Variants in PRPF18 observed in about 807,000 individuals in gnomAD.
PRPF18 encodes pre-mRNA processing factor 18, also known as pre-mRNA-splicing factor 18.
A neutral mutation model predicts 46.5 loss-of-function variants in PRPF18; 38 were observed. The ratio of observed to expected loss-of-function variants is 0.82; its 90% CI spans 0.63 to 1.07. The LOEUF is 1.07. PRPF18 is among the 50% of genes least tolerant of loss of function. PRPF18 has a pLI of 0.00. For missense variants in PRPF18, 263 were observed against 410.0 expected (o/e 0.64, Z 3.10); for synonymous variants, 152 against 146.7 (o/e 1.04, Z -0.26).
chr10:13,624,579 A>G (rs879063550), intron 9 of PRPF18, among the ~76,000 whole-genome samples: 1 of 152,210 alleles, frequency 6.6e-6, no homozygotes, highest in Non-Finnish European at 1.5e-5. Flanking sequence ...TTTTGGATGG[A>G]TATGTACTGC....
At chr10:13,628,310 A>C (rs2080540404) in intron 9 of PRPF18, among the ~76,000 whole-genome samples, 1 of 152,206 alleles carries the variant, frequency 6.6e-6, no homozygotes, top group Non-Finnish European at 1.5e-5. Flanking sequence ...CTGTTAGATT[A>C]TGGCTCCATT....
rs184149686 is a variant in PRPF18, at chr10:13,624,185, C to T, written c.949-6075C>T. On this transcript the variant is annotated intron_variant, in intron 9 of 9. Coordinates refer to ENST00000378572, the MANE Select transcript of PRPF18 (RefSeq NM_003675.4). Reference sequence around the variant, plus strand: ...GTAGTGACATGGTATGCCATGTTGGCCAGGCTGGTCTCGAACTCCTGACCT... The same window carrying T: ...GTAGTGACATGGTATGCCATGTTGGTCAGGCTGGTCTCGAACTCCTGACCT... Among the ~76,000 whole-genome samples the T allele has an allele frequency of 2.8e-3, 426 of 152,272 alleles. 1 individual carries two copies. The highest frequency in any genetic ancestry group is 7.1e-3 in the Admixed American group (109 of 15,298).
At chr10:13,622,012 A>AGT (rs2080427419) in intron 9 of PRPF18, among the ~76,000 whole-genome samples, 3 of 142,580 alleles carry the variant, frequency 2.1e-5, no homozygotes, top group South Asian at 4.3e-4. Context: ...TCATGACTGC[A>AGT]ATAAGTGATC....
chr10:13,587,293 C>A (rs951500699), intron 1 of PRPF18, 141 bp downstream of exon 1: 1 of 869,912 alleles, frequency 1.1e-6, no homozygotes, highest in East Asian at 2.4e-5. Flanking sequence ...CCCTGGTAGG[C>A]CCCCTTAGAT....
the PRPF18 span, chr10:13,649,441 T>A: frequency 1.3e-5 from 2 of 152,208 alleles, no homozygotes. Context: ...CGGGAGGATC[T>A]GGATGATGGG....
chr10:13,594,775 G>A (rs1007367920), intron 1 of PRPF18, among the ~76,000 whole-genome samples: 10 of 152,138 alleles, frequency 6.6e-5, no homozygotes, highest in East Asian at 1.9e-4. Context: ...TTTTATCATC[G>A]GTGGTAAATA....
At chr10:13,621,983 A>G (rs551893161) in intron 9 of PRPF18, among the ~76,000 whole-genome samples, 1 of 151,896 alleles carries the variant, frequency 6.6e-6, no homozygotes, top group South Asian at 2.1e-4. Context: ...TGTTACCAAA[A>G]CTGGTATAAC....
intron 9 of PRPF18, among the ~76,000 whole-genome samples, chr10:13,617,107 T>C (rs1263058360): frequency 1.3e-5 from 2 of 152,246 alleles, no homozygotes; most frequent in Non-Finnish European, 2.9e-5. Flanking sequence ...GTACTGTTTT[T>C]GGGCTAAACT....
At chr10:13,651,746 T>C in the PRPF18 span, 1 of 622,160 alleles carries the variant, frequency 1.6e-6, no homozygotes, top group Non-Finnish European at 2.9e-6. Context: ...GTAAGAACCT[T>C]CAGCTAAAAA....
chr10:13,618,524 G>A (rs116980103), intron 9 of PRPF18, among the ~76,000 whole-genome samples: 40 of 149,280 alleles, frequency 2.7e-4, no homozygotes, highest in East Asian at 1.0e-3. Flanking sequence ...TACCGGAGAG[G>A]TTGAGGCAGA....
intron 3 of PRPF18, among the ~76,000 whole-genome samples, chr10:13,601,818 T>C (rs1027319776): frequency 3.9e-5 from 6 of 152,202 alleles, no homozygotes; most frequent in African/African-American, 1.4e-4. Context: ...CAGTCCTTAA[T>C]AGTGAGCTAC....
At chr10:13,590,492 G>A (rs1589114754) in intron 1 of PRPF18, among the ~76,000 whole-genome samples, 1 of 149,648 alleles carries the variant, frequency 6.7e-6, no homozygotes, top group African/African-American at 2.4e-5. Context: ...ATGGTGGCAG[G>A]TGCCTGTAGT....
chr10:13,621,223 A>G (rs2080415470), intron 9 of PRPF18, among the ~76,000 whole-genome samples: 1 of 152,096 alleles, frequency 6.6e-6, no homozygotes, highest in African/African-American at 2.4e-5. Context: ...TACCAGAGCT[A>G]CTCTTATCCT....
intron 9 of PRPF18, among the ~76,000 whole-genome samples, chr10:13,617,915 G>A (rs1005610194): frequency 6.6e-6 from 1 of 152,162 alleles, no homozygotes; most frequent in Non-Finnish European, 1.5e-5. Flanking sequence ...AATTTAGCTA[G>A]GTGTTTGAGG....
the PRPF18 span, chr10:13,642,680 C>A: frequency 1.3e-5 from 2 of 152,136 alleles, no homozygotes; most frequent in Non-Finnish European, 2.9e-5. Context: ...CGCTAATTTC[C>A]TGAGCTGTGA....
At chr10:13,638,058 T>TTTGCAGTTAGGG in the PRPF18 span, 1 of 152,226 alleles carries the variant, frequency 6.6e-6, no homozygotes, top group Non-Finnish European at 1.5e-5. Flanking sequence ...CTCAGGACCT[T>TTTGCAGTTAGGG]TTGCAGTTAG....
chr10:13,602,006 A>G (rs1436063981), intron 3 of PRPF18, among the ~76,000 whole-genome samples: 2 of 152,216 alleles, frequency 1.3e-5, no homozygotes, highest in Non-Finnish European at 2.9e-5. Flanking sequence ...TCCTAGGAAA[A>G]TAATTTCTGG....
chr10:13,598,920 TG>T (rs55679537), intron 2 of PRPF18, among the ~76,000 whole-genome samples: 5,307 of 152,282 alleles, frequency 0.035, 141 homozygotes, highest in Non-Finnish European at 0.053. Flanking sequence ...TTGTTTAGTG[TG>T]TTTTTTTGTT....
chr10:13,609,117 C>A (rs1412960721), intron 4 of PRPF18, among the ~76,000 whole-genome samples: 1 of 152,172 alleles, frequency 6.6e-6, no homozygotes, highest in African/African-American at 2.4e-5. Context: ...TGTGTGAGAA[C>A]GTTAGGAGTT....
Sources: allele counts gnomAD v4.1 joint callset (sites outside exome capture counted in the v4.1 genomes callset), GRCh38; gene constraint gnomAD v4.1.1; transcripts MANE v1.5; gene names NCBI Gene and HGNC (gene_info 2026-07-23, HGNC 2026-07-21).